Variants in SASH1 observed in about 807,000 individuals in gnomAD.
The protein encoded by SASH1 is SAM and SH3 domain containing 1, also known as SAM and SH3 domain-containing protein 1.
In SASH1, 44 loss-of-function variants were observed where a neutral mutation model predicts 125.2. The ratio of observed to expected loss-of-function variants is 0.35; its 90% CI spans 0.28 to 0.45. The LOEUF (loss-of-function observed/expected upper bound fraction) is 0.45. Among genes scored for constraint, SASH1 ranks in the 20% least tolerant of loss-of-function variants. The pLI, the probability that SASH1 is intolerant of heterozygous loss-of-function variation, is 1.00. For missense variants in SASH1, 1,426 were observed against 1,614.5 expected (o/e 0.88, Z 2.00); for synonymous variants, 639 against 649.1 (o/e 0.98, Z 0.24).
upstream of SASH1, among the ~76,000 whole-genome samples, chr6:148,271,174 T>G (rs1322235667): frequency 6.6e-6 from 1 of 152,144 alleles, no homozygotes; most frequent in African/African-American, 2.4e-5. Context: ...CTTCCCAAAG[T>G]GCTGGGATTA....
At chr6:148,380,568 A>T (rs1356301274) in intron 1 of SASH1, among the ~76,000 whole-genome samples, 1 of 152,252 alleles carries the variant, frequency 6.6e-6, no homozygotes, top group African/African-American at 2.4e-5. Context: ...TGTTAAGCTC[A>T]GGGCAGATTA....
In SASH1 at chr6:148,544,808, A is replaced by G; in HGVS notation, c.3338A>G (p.Tyr1113Cys). 1.3e-6 allele frequency: 2 copies of G among 1,588,672 alleles called. No individual in the cohort carries two copies. Among genetic ancestry groups the G allele is most frequent in the South Asian group, 1.1e-5 (1 of 87,382 alleles). The change falls in exon 18 of 20, where the codon TAT (tyrosine) becomes TGT (cysteine). Residue 1113 changes from tyrosine (Y) to cysteine (C), a missense_variant. Transcript: ENST00000367467. This position sits in a 1 kb window ranked among gnomAD's most constrained non-coding sequence, Gnocchi z 6.4. ...AEGIDLTEEPYSDKHGRCGIP... is the reference protein window; with the variant it reads ...AEGIDLTEEPCSDKHGRCGIP... ...GGCATCGATCTCACGGAGGAGCCGT[A>G]TTCTGATAAGGTATCAAAGGTCCTG...
intron 2 of SASH1, among the ~76,000 whole-genome samples, chr6:148,396,478 G>GA (rs61277112): frequency 0.017 from 1,093 of 63,816 alleles, 40 homozygotes; most frequent in Admixed American, 0.077. Flanking sequence ...CTGCATCTCA[G>GA]AAAAAAAAAA....
At chr6:148,232,449 C>T in the SASH1 span, among the ~76,000 whole-genome samples, 1 of 152,136 alleles carries the variant, frequency 6.6e-6, no homozygotes, top group East Asian at 1.9e-4. Context: ...GATTCTGAGG[C>T]TCTGAACCTG....
the SASH1 span, among the ~76,000 whole-genome samples, chr6:148,248,879 G>T: frequency 6.6e-6 from 1 of 152,204 alleles, no homozygotes; most frequent in Admixed American, 6.5e-5. Context: ...GACCACTGTG[G>T]ATGTTAAATG....
In SASH1 at chr6:148,546,090, G is replaced by C. The variant is rs769622545; in HGVS notation, c.3424G>C (p.Ala1142Pro). ...CTTGGATCAGCCCGAGCGGGACGTC[G>C]CCGCCAACATGGACCAGATCCGGGT... ...EDLDQPERDV[A>P]ANMDQIRVKQ... Residue 1142 changes from alanine to proline, a missense_variant, in exon 19 of 20, where the codon GCC becomes CCC. Around this residue, in one of 3 missense-constraint regions of SASH1, gnomAD observed 634 missense variants for 694.4 expected, o/e 0.91. Transcript: ENST00000367467. The C allele has an allele frequency of 6.2e-7, 1 of 1,614,222 alleles. No individual in the cohort carries two copies. The highest frequency in any genetic ancestry group is 1.1e-5 in the South Asian group (1 of 91,082).
the SASH1 span, among the ~76,000 whole-genome samples, chr6:148,219,770 C>T: frequency 3.3e-5 from 5 of 152,186 alleles, no homozygotes; most frequent in Admixed American, 1.3e-4. Context: ...ATGACCTGTG[C>T]AGGTGATGGG....
chr6:148,343,179 TC>T lies in SASH1; in HGVS notation c.114del (p.Glu39ArgfsTer10). The T allele has an allele frequency of 6.2e-7, 1 of 1,600,042 alleles. No homozygotes were observed. Among genetic ancestry groups the T allele is most frequent in the Non-Finnish European group, 8.5e-7 (1 of 1,179,118 alleles). On this transcript the variant is annotated frameshift_variant, in exon 1 of 20. Coordinates refer to ENST00000367467, the MANE Select transcript of SASH1 (RefSeq NM_015278.5). LOFTEE classifies it high-confidence loss of function. ...EPEPKPGAGT[S>X]EAFSRLWTDV... ...GGAGCCCAAGCCGGGTGCTGGCACA[TC>T]CGAGGCGTTCTCCCGACTCTGGACC...
At chr6:148,276,927 T>A (rs1779201113) in intron 1 of SASH1, among the ~76,000 whole-genome samples, 1 of 152,002 alleles carries the variant, frequency 6.6e-6, no homozygotes, top group Non-Finnish European at 1.5e-5. Context: ...CTCTAAAAAA[T>A]AATAATAATG....
chr6:148,401,513 G>T (rs1045929827), intron 2 of SASH1, among the ~76,000 whole-genome samples: 5 of 152,094 alleles, frequency 3.3e-5, no homozygotes, highest in African/African-American at 1.2e-4. Context: ...CTCTAGAATG[G>T]TATTAAGAAT....
chr6:148,205,947 T>C, the SASH1 span, among the ~76,000 whole-genome samples: 1 of 152,114 alleles, frequency 6.6e-6, no homozygotes, highest in Non-Finnish European at 1.5e-5. Context: ...GCCTCAGAGG[T>C]TCCTTCCCGG....
At chr6:148,356,291 G>T (rs1395369360) in intron 1 of SASH1, among the ~76,000 whole-genome samples, 2 of 151,068 alleles carry the variant, frequency 1.3e-5, no homozygotes, top group African/African-American at 4.9e-5. Flanking sequence ...CACCATGTTG[G>T]CCAGGCTGGT....
intron 2 of SASH1, among the ~76,000 whole-genome samples, chr6:148,406,848 C>A (rs1354680474): frequency 6.7e-6 from 1 of 150,344 alleles, no homozygotes; most frequent in Middle Eastern, 3.4e-3. Context: ...AAGGGAGGAG[C>A]AGAGAGAATC....
chr6:148,422,175 A>T (rs1048141944), intron 2 of SASH1, among the ~76,000 whole-genome samples: 1 of 152,110 alleles, frequency 6.6e-6, no homozygotes, highest in African/African-American at 2.4e-5. Context: ...CAAGAATCCC[A>T]TTTGTTTTGC....
At chr6:148,374,922 C>A (rs961307640) in intron 1 of SASH1, among the ~76,000 whole-genome samples, 1 of 152,250 alleles carries the variant, frequency 6.6e-6, no homozygotes, top group Admixed American at 6.5e-5. Context: ...GCCTCGAACA[C>A]GTGGCCTCAA....
intron 1 of SASH1, among the ~76,000 whole-genome samples, chr6:148,288,311 C>G (rs1779540047): frequency 6.6e-6 from 1 of 152,176 alleles, no homozygotes; most frequent in Non-Finnish European, 1.5e-5. Flanking sequence ...CCGTCTCCTA[C>G]AGTAGAGGCA....
At chr6:148,279,610 AC>A (rs1168328341) in intron 1 of SASH1, among the ~76,000 whole-genome samples, 1 of 152,128 alleles carries the variant, frequency 6.6e-6, no homozygotes, top group Non-Finnish European at 1.5e-5. Flanking sequence ...TTGCTTTCTA[AC>A]CTTTTGCAAA....
chr6:148,436,861 T>C (rs1776311271), intron 2 of SASH1, among the ~76,000 whole-genome samples: 1 of 152,200 alleles, frequency 6.6e-6, no homozygotes, highest in Non-Finnish European at 1.5e-5. Context: ...GGATGATTTG[T>C]TACACGGCAG....
intron 4 of SASH1, among the ~76,000 whole-genome samples, chr6:148,449,917 T>C (rs1777015419): frequency 6.6e-6 from 1 of 152,098 alleles, no homozygotes; most frequent in Admixed American, 6.5e-5. Context: ...TCCATGGAAA[T>C]TAATCCAGGC....
Sources: gnomAD v4.1 joint callset for allele counts (sites outside exome capture counted in the v4.1 genomes callset) on GRCh38, gnomAD v4.1.1 for gene constraint, gnomAD v4.1.1 regional missense constraint, Gnocchi (gnomAD v3.1) non-coding constraint, MANE v1.5 for transcripts, NCBI Gene and HGNC (gene_info 2026-07-23, HGNC 2026-07-21) for gene names.